The following CIITA variants were observed in gnomAD, a reference collection of about 807,000 sequenced individuals.
The protein encoded by CIITA is class II major histocompatibility complex transactivator.
CIITA carries 72 observed loss-of-function variants against 115.1 expected under a neutral mutation model. The ratio of observed to expected loss-of-function variants is 0.63; its 90% confidence interval spans 0.52 to 0.76. CIITA has a LOEUF of 0.76. Among genes scored for constraint, CIITA ranks in the 30% least tolerant of loss-of-function variants. The pLI, the probability that CIITA is intolerant of heterozygous loss-of-function variation, is 0.00. For missense variants in CIITA, 1,617 were observed against 1,463.8 expected (o/e 1.10, Z -1.71); for synonymous variants, 763 against 635.6 (o/e 1.20, Z -3.02).
chr16:10,928,225 C>T lies in CIITA; in HGVS notation c.*4370C>T, dbSNP rs2040615654. 1 of 152,214 alleles carries T rather than the reference C, an allele frequency of 6.6e-6. No homozygotes were observed. The highest frequency in any genetic ancestry group is 2.4e-5 in the African/African-American group (1 of 41,444). The allele number at this position is 152,214 out of a possible 1,614,324, so 9.4% of individuals were successfully genotyped here. A position where few individuals can be genotyped will look rare whatever the true frequency, so the allele number is the denominator to read the frequency against. ...TTCACTTGGTGTGTATGTGAAGGTG[C>T]TTTGAAATCAAGTGCTCTGCAAACT... On this transcript the variant is annotated 3_prime_UTR_variant, in exon 20 of 20. Transcript: ENST00000324288.
At chr16:10,914,398 T>C (rs1567436363) in intron 13 of CIITA, among the ~76,000 whole-genome samples, 1 of 152,192 alleles carries the variant, frequency 6.6e-6, no homozygotes, top group Non-Finnish European at 1.5e-5. Context: ...CATTTCGGAA[T>C]GAATTCGAGT....
In CIITA at chr16:10,906,557, C is replaced by G. The variant is rs1346017378; in HGVS notation, c.1065C>G (p.Gly355=). ...ACACGTATGGTGCCGAGCCCGCAGG[C>G]CCGGATGGCATCCTAGTGGAGGTGG... ...LQDTYGAEPA[G]PDGILVEVDL... The change falls in exon 11 of 20, where the codon GGC becomes GGG. Residue 355 remains glycine, a synonymous_variant. Transcript: ENST00000324288. 9 of 1,612,972 alleles carry G rather than the reference C, an allele frequency of 5.6e-6. No individual in the cohort carries two copies. Among genetic ancestry groups the G allele is most frequent in the Admixed American group, 5.0e-5 (3 of 60,006 alleles).
intron 13 of CIITA, among the ~76,000 whole-genome samples, chr16:10,912,170 A>AGT (rs1371214862): frequency 6.6e-6 from 1 of 151,926 alleles, no homozygotes; most frequent in African/African-American, 2.4e-5. Context: ...GCTAGAATGC[A>AGT]GTGGTATGAT....
intron 1 of CIITA, among the ~76,000 whole-genome samples, chr16:10,890,758 A>G (rs2037485231): frequency 6.6e-6 from 1 of 152,234 alleles, no homozygotes; most frequent in South Asian, 2.1e-4. Flanking sequence ...CACACATATT[A>G]TACTCACCAT....
chr16:10,902,105 C>T lies in CIITA; in HGVS notation c.549C>T (p.Pro183=). ...VGPVSDCSTL[P]CLPLPALFNQ... ...CAGTGAGCGACTGCTCCACCCTGCC[C>T]TGCCTGCCACTGCCTGCGCTGTTCA... Residue 183 remains proline (P), a synonymous_variant, in exon 7 of 20, where the codon CCC becomes CCT. Coordinates refer to ENST00000324288, the MANE Select transcript of CIITA (RefSeq NM_000246.4). The T allele has an allele frequency of 6.2e-7, 1 of 1,614,172 alleles. No individual in the cohort carries two copies.
At chr16:10,894,289 A>T (rs1290334096) in intron 1 of CIITA, among the ~76,000 whole-genome samples, 1 of 152,182 alleles carries the variant, frequency 6.6e-6, no homozygotes, top group African/African-American at 2.4e-5. Context: ...AGCATGTATC[A>T]GTGCTTTCTC....
At chr16:10,889,127 C>T (rs1390273977) in intron 1 of CIITA, among the ~76,000 whole-genome samples, 1 of 152,218 alleles carries the variant, frequency 6.6e-6, no homozygotes, top group African/African-American at 2.4e-5. Context: ...TAGAGGGATA[C>T]AGTCCCTGCC....
In CIITA at chr16:10,907,354, C is replaced by CA. The variant is rs2144723164; in HGVS notation, c.1863dup (p.Glu622ArgfsTer127). On this transcript the variant is annotated frameshift_variant, in exon 11 of 20. Transcript: ENST00000324288. LOFTEE classifies it high-confidence loss of function. This position sits in a 1 kb window ranked among gnomAD's most constrained non-coding sequence, Gnocchi z 5.0. ...TTGTGCCGGGCAGTGTGCCAGCTCT[C>CA]AGAGGCCCTGCTGGAGCTTGGGGAG... 6.2e-7 allele frequency: 1 copy of CA among 1,613,530 alleles called. No individual in the cohort carries two copies. Among genetic ancestry groups the CA allele is most frequent in the Non-Finnish European group, 8.5e-7 (1 of 1,179,988 alleles).
intron 3 of CIITA, 87 bp downstream of exon 3, chr16:10,895,851 C>A: frequency 8.1e-7 from 1 of 1,229,848 alleles, no homozygotes; most frequent in Non-Finnish European, 1.2e-6. Context: ...TCATCATGAG[C>A]CACGTCAGTC....
rs201571405 is a variant in CIITA at position 10,915,580 on chromosome 16, G to T, written c.2899G>T (p.Val967Phe). The T allele has an allele frequency of 8.7e-6, 14 of 1,614,140 alleles. No individual in the cohort carries two copies. Among genetic ancestry groups the T allele is most frequent in the Non-Finnish European group, 1.1e-5 (13 of 1,179,996 alleles). Residue 967 changes from valine (V) to phenylalanine (F), a missense_variant, in exon 14 of 20, where the codon GTC becomes TTC. By Grantham distance (50) the Val-to-Phe change is conservative (BLOSUM62 -1). Transcript: ENST00000324288. ...LKKLEFALGP[V>F]SGPQAFPKLV... ...CTCTTTGCCTCCTAGGCTGGGCCCT[G>T]TCTCAGGCCCCCAGGCTTTCCCCAA... is the stretch of plus-strand genomic sequence containing the variant.
intron 1 of CIITA, among the ~76,000 whole-genome samples, chr16:10,886,832 G>A (rs967097656): frequency 2.0e-5 from 3 of 152,198 alleles, no homozygotes. Flanking sequence ...CAGCAAGTGT[G>A]GAACTAAGAT....
At chr16:10,916,300 C>A in intron 14 of CIITA, 67 bp from the exon 15 acceptor site, 3 of 1,500,984 alleles carry the variant, frequency 2.0e-6, no homozygotes, top group Non-Finnish European at 2.8e-6. Flanking sequence ...GAGGCCCTCA[C>A]TGGGATGGGA....
At position 10,918,516 on chromosome 16, in the gene CIITA, C is replaced by T. The variant is rs771930709; in HGVS notation, c.3139C>T (p.Leu1047Phe). 2.5e-6 allele frequency: 4 copies of T among 1,614,010 alleles called. No individual in the cohort carries two copies. In the East Asian group the frequency reaches 6.7e-5, roughly 27 times the overall value. The stretch of plus-strand genomic sequence containing the variant: ...CCTGCCTTCGCTCGCTGCATCCCTG[C>T]TCAGGCTAAGGTGAGTGGGGCCCCG... Reference protein sequence around the residue: ...EALPSLAASLLRLSLYNNCIC... With the variant: ...EALPSLAASLFRLSLYNNCIC... The change falls in exon 16 of 20, where the codon CTC (leucine) becomes TTC (phenylalanine). Residue 1047 changes from leucine to phenylalanine, a missense_variant. Coordinates refer to ENST00000324288, the MANE Select transcript of CIITA (RefSeq NM_000246.4).
rs769935433 is a variant in CIITA at position 10,895,715 on chromosome 16, G to A, written c.246G>A (p.Leu82=). Residue 82 remains leucine, a synonymous_variant, in exon 3 of 20, where the codon TTG becomes TTA. Coordinates refer to ENST00000324288, the MANE Select transcript of CIITA (RefSeq NM_000246.4). ...TINCDQFSRL[L]CDMEGDEETR... is the part of the protein sequence containing the mutation. ...ACTGCGACCAGTTCAGCAGGCTGTT[G>A]TGTGACATGGAAGGTGATGAAGAGA... 2 of 1,614,136 alleles carry A rather than the reference G, an allele frequency of 1.2e-6. No individual in the cohort carries two copies. The highest frequency in any genetic ancestry group is 1.7e-6 in the Non-Finnish European group (2 of 1,180,026).
Position 10,895,293 on chromosome 16 carries a change from T to C in CIITA, c.64T>C (p.Cys22Arg), listed in dbSNP as rs774713571. The C allele has an allele frequency of 6.2e-7, 1 of 1,613,888 alleles. No homozygotes were observed. Among genetic ancestry groups the C allele is most frequent in the Non-Finnish European group, 8.5e-7 (1 of 1,180,028 alleles). Residue 22 changes from cysteine to arginine, a missense_variant, in exon 2 of 20, where the codon TGT (cysteine) becomes CGT (arginine). Cys to Arg is a radical substitution (Grantham distance 180, BLOSUM62 -3). Transcript: ENST00000324288. ...YLSEPQGSSQ[C>R]ATMELGPLEG... ...GTCTTCCCTCCCAGGCAGCTCACAG[T>C]GTGCCACCATGGAGTTGGGGCCCCT...
intron 12 of CIITA, 115 bp from the exon 13 acceptor site, chr16:10,910,073 A>G: frequency 1.2e-6 from 1 of 837,190 alleles, no homozygotes; most frequent in Non-Finnish European, 2.0e-6. Context: ...AGTTGCCCCA[A>G]GGAAAGCAAT....
At position 10,920,819 on chromosome 16, in the gene CIITA, G is replaced by A. The variant is rs2040229735; in HGVS notation, c.3150-1348G>A. Among the ~76,000 whole-genome samples, 2 of 152,226 alleles carry A rather than the reference G, an allele frequency of 1.3e-5. No individual in the cohort carries two copies. Among genetic ancestry groups the A allele is most frequent in the African/African-American group, 4.8e-5 (2 of 41,468 alleles). ...GCACTGGTACCGGCCGACCCGTGAT[G>A]TGAGTTGATTTAGCCTGAATCCACT... is the stretch of plus-strand genomic sequence containing the variant. On this transcript the variant is annotated intron_variant, in intron 16 of 19. Coordinates refer to ENST00000324288, the MANE Select transcript of CIITA (RefSeq NM_000246.4). The surrounding 1 kb of genome is among the most constrained non-coding windows in gnomAD (Gnocchi z 4.5).
chr16:10,876,709 T>A (rs2035871300), upstream of CIITA, among the ~76,000 whole-genome samples: 1 of 152,232 alleles, frequency 6.6e-6, no homozygotes, highest in East Asian at 1.9e-4. Flanking sequence ...TAGTCCAATG[T>A]CTTGGGATGA....
rs1462375469 is a variant in CIITA, at chr16:10,920,435, C to T, written c.3150-1732C>T. Among the ~76,000 whole-genome samples, 1 of 152,150 alleles carries T rather than the reference C, an allele frequency of 6.6e-6. No individual in the cohort carries two copies. On this transcript the variant is annotated intron_variant, in intron 16 of 19. Transcript: ENST00000324288. The surrounding 1 kb of genome is among the most constrained non-coding windows in gnomAD (Gnocchi z 4.5). The stretch of plus-strand genomic sequence containing the variant: ...GCTATTTTTGTGTTTTCAGTAGAGA[C>T]AGGGCTTCGCCATGTGGCCCAGACT...
Sources: allele counts gnomAD v4.1 joint callset (sites outside exome capture counted in the v4.1 genomes callset), GRCh38; gene constraint gnomAD v4.1.1; non-coding constraint Gnocchi (gnomAD v3.1); transcripts MANE v1.5; gene names NCBI Gene and HGNC (gene_info 2026-07-23, HGNC 2026-07-21).